The following ASTN2 variants were observed in gnomAD, a reference collection of about 807,000 sequenced individuals.
The protein encoded by ASTN2 is astrotactin 2.
In ASTN2, 54 loss-of-function variants were observed where a neutral mutation model predicts 139.8. That is an observed-to-expected ratio of 0.39 (90% CI 0.31 to 0.48). ASTN2 has a LOEUF of 0.48. Among genes scored for constraint, ASTN2 ranks in the 20% least tolerant of loss-of-function variants. The pLI is 0.95. For synonymous variants in ASTN2, 756 were observed against 719.5 expected (o/e 1.05, Z -0.81); for missense variants, 1,565 against 1,725.1 (o/e 0.91, Z 1.64).
chr9:116,808,267 T>C (rs1417163362), intron 12 of ASTN2, among the ~76,000 whole-genome samples: 1 of 144,096 alleles, frequency 6.9e-6, no homozygotes, highest in African/African-American at 2.6e-5. Flanking sequence ...TCAATGCATT[T>C]AAATACATAT....
At chr9:117,309,781 G>T (rs1029533296) in intron 1 of ASTN2, among the ~76,000 whole-genome samples, 1 of 152,258 alleles carries the variant, frequency 6.6e-6, no homozygotes, top group South Asian at 2.1e-4. Context: ...AGGATTAGAA[G>T]ACAAGTGTGG....
chr9:117,379,401 T>C (rs1278449320), intron 1 of ASTN2, among the ~76,000 whole-genome samples: 2 of 152,124 alleles, frequency 1.3e-5, no homozygotes, highest in African/African-American at 2.4e-5. Context: ...CCCAGGTTTA[T>C]GTAGAAGAGG....
At chr9:116,651,877 T>C (rs754203686) in intron 16 of ASTN2, 84 bp from the exon 17 acceptor site, 1 of 1,494,932 alleles carries the variant, frequency 6.7e-7, no homozygotes, top group Non-Finnish European at 9.1e-7. Context: ...AAAATACAGA[T>C]GCTAAGAAGC....
chr9:116,600,095 G>C (rs763261079), intron 19 of ASTN2, among the ~76,000 whole-genome samples: 1 of 151,992 alleles, frequency 6.6e-6, no homozygotes, highest in Non-Finnish European at 1.5e-5. Flanking sequence ...GGTCAAGGTG[G>C]GTGGATCACT....
intron 13 of ASTN2, among the ~76,000 whole-genome samples, chr9:116,735,173 T>A (rs757608397): frequency 6.6e-6 from 1 of 152,170 alleles, no homozygotes; most frequent in African/African-American, 2.4e-5. Flanking sequence ...ATGGTGAGTT[T>A]TAAGGCCCAC....
At chr9:116,657,892 T>A (rs1245851247) in intron 16 of ASTN2, among the ~76,000 whole-genome samples, 3 of 151,252 alleles carry the variant, frequency 2.0e-5, no homozygotes, top group African/African-American at 7.3e-5. Flanking sequence ...AGCAAGATTT[T>A]TTTTTTTTTT....
chr9:116,651,926 T>G, intron 16 of ASTN2, 133 bp from the exon 17 acceptor site: 1 of 1,097,472 alleles, frequency 9.1e-7, no homozygotes, highest in Non-Finnish European at 1.3e-6. Context: ...ATAGAGTGAT[T>G]TATTCATGAT....
At chr9:117,400,732 C>T (rs1830806285) in intron 1 of ASTN2, among the ~76,000 whole-genome samples, 1 of 152,110 alleles carries the variant, frequency 6.6e-6, no homozygotes, top group Non-Finnish European at 1.5e-5. Flanking sequence ...TCAGAAGTTC[C>T]CAGAGGGAAC....
At chr9:116,639,108 G>A (rs1857211188) in intron 17 of ASTN2, among the ~76,000 whole-genome samples, 2 of 152,168 alleles carry the variant, frequency 1.3e-5, no homozygotes, top group Non-Finnish European at 2.9e-5. Flanking sequence ...CTCTACCTTT[G>A]TGTATGTTAT....
At chr9:117,320,228 A>T (rs933013584) in intron 1 of ASTN2, among the ~76,000 whole-genome samples, 20 of 152,132 alleles carry the variant, frequency 1.3e-4, no homozygotes, top group African/African-American at 4.8e-4. Flanking sequence ...AAGGCCCACA[A>T]TGAAATGAAA....
chr9:116,446,258 GAGAGAGAGAGAGAT>G (rs1285388073), intron 20 of ASTN2, among the ~76,000 whole-genome samples: 2 of 87,010 alleles, frequency 2.3e-5, no homozygotes, highest in Non-Finnish European at 5.1e-5. Context: ...GGGAGAGGGA[GAGAGAGAGAGAGAT>G]AGAGAGAGAG....
intron 17 of ASTN2, among the ~76,000 whole-genome samples, chr9:116,621,027 C>T (rs1402993591): frequency 1.3e-5 from 2 of 152,180 alleles, no homozygotes; most frequent in African/African-American, 4.8e-5. Context: ...TTTCATCTCT[C>T]ACCACTCTCC....
At chr9:116,593,217 G>A (rs927200745) in intron 19 of ASTN2, among the ~76,000 whole-genome samples, 3 of 152,342 alleles carry the variant, frequency 2.0e-5, no homozygotes, top group African/African-American at 4.8e-5. Context: ...GGTAACATCT[G>A]TGCTTTTGCA....
chr9:116,740,737 A>G (rs1439781604), intron 13 of ASTN2, among the ~76,000 whole-genome samples: 1 of 151,626 alleles, frequency 6.6e-6, no homozygotes, highest in East Asian at 1.9e-4. Context: ...GATGGTCTCT[A>G]TCTCCTGACC....
chr9:117,269,472 T>G lies in ASTN2; in HGVS notation c.630+21854A>C, dbSNP rs143120162. Among the ~76,000 whole-genome samples the G allele has an allele frequency of 1.0e-3, 155 of 152,300 alleles. 1 individual carries two copies. Among genetic ancestry groups the G allele is most frequent in the Admixed American group, 2.7e-3 (41 of 15,302 alleles). On this transcript the variant is annotated intron_variant, in intron 2 of 22. Coordinates refer to ENST00000313400, the MANE Select transcript of ASTN2 (RefSeq NM_001365068.1). Reference sequence around the variant, plus strand: ...CCCACAAAATTGGGGAGGTTTTTTATAGAAATGGCTAGGATCCAGAACTGC... The same window carrying G: ...CCCACAAAATTGGGGAGGTTTTTTAGAGAAATGGCTAGGATCCAGAACTGC...
intron 19 of ASTN2, among the ~76,000 whole-genome samples, chr9:116,610,375 C>T (rs1210662492): frequency 1.1e-4 from 17 of 152,236 alleles, no homozygotes; most frequent in Admixed American, 5.2e-4. Context: ...GAGGCTGAGG[C>T]GGGTGGATCA....
intron 19 of ASTN2, among the ~76,000 whole-genome samples, chr9:116,496,926 C>T (rs1361626278): frequency 6.6e-6 from 1 of 152,186 alleles, no homozygotes; most frequent in Non-Finnish European, 1.5e-5. Context: ...TACCTCCCAC[C>T]AGGGTCCCTC....
chr9:117,359,443 G>C (rs76177637), intron 1 of ASTN2, among the ~76,000 whole-genome samples: 1 of 152,184 alleles, frequency 6.6e-6, no homozygotes, highest in Admixed American at 6.5e-5. Flanking sequence ...TCTTCACGAT[G>C]TATCTGTTGC....
At chr9:117,251,775 G>A (rs1833544921) in intron 2 of ASTN2, among the ~76,000 whole-genome samples, 1 of 152,150 alleles carries the variant, frequency 6.6e-6, no homozygotes, top group South Asian at 2.1e-4. Context: ...ACAGTGAAAG[G>A]CATCAGTACT....
Sources: allele counts gnomAD v4.1 joint callset (sites outside exome capture counted in the v4.1 genomes callset), GRCh38; gene constraint gnomAD v4.1.1; transcripts MANE v1.5; gene names NCBI Gene and HGNC (gene_info 2026-07-23, HGNC 2026-07-21).